Variants in NAV3 observed in about 807,000 individuals in gnomAD.
NAV3 encodes the protein neuron navigator 3, also known as pore membrane and/or filament interacting like protein 1.
In NAV3, 87 loss-of-function variants were observed where a neutral mutation model predicts 244.7. The ratio of observed to expected loss-of-function variants is 0.36; its 90% CI spans 0.30 to 0.42. NAV3 has a LOEUF of 0.42. Among genes scored for constraint, NAV3 ranks in the 20% least tolerant of loss-of-function variants. The pLI is 1.00. For synonymous variants in NAV3, 1,126 were observed against 1,042.2 expected (o/e 1.08, Z -1.55); for missense variants, 2,663 against 2,893.3 (o/e 0.92, Z 1.83).
At chr12:77,667,133 C>T (rs956407958) in intron 2 of NAV3, among the ~76,000 whole-genome samples, 11 of 152,218 alleles carry the variant, frequency 7.2e-5, no homozygotes, top group South Asian at 6.2e-4. Context: ...ATTAAGATGG[C>T]GAGTAGGAGG....
intron 2 of NAV3, among the ~76,000 whole-genome samples, chr12:77,656,976 T>G (rs1182993240): frequency 1.1e-4 from 16 of 152,124 alleles, no homozygotes; most frequent in Non-Finnish European, 2.2e-4. Flanking sequence ...GAGGGAAATT[T>G]ATAGCACTAA....
At chr12:77,584,194 T>C (rs1226063867) in intron 2 of NAV3, among the ~76,000 whole-genome samples, 1 of 152,222 alleles carries the variant, frequency 6.6e-6, no homozygotes, top group Non-Finnish European at 1.5e-5. Context: ...TCAGGGACAT[T>C]GCTTGTCTCA....
chr12:77,803,358 A>G (rs956935915), intron 2 of NAV3, among the ~76,000 whole-genome samples: 1 of 152,134 alleles, frequency 6.6e-6, no homozygotes, highest in Non-Finnish European at 1.5e-5. Flanking sequence ...ACTCCCATGT[A>G]TGAGTGAGAA....
chr12:77,662,605 G>C (rs1420146777), intron 2 of NAV3, among the ~76,000 whole-genome samples: 3 of 152,040 alleles, frequency 2.0e-5, no homozygotes, highest in Non-Finnish European at 4.4e-5. Flanking sequence ...TGTTGGGTGA[G>C]AGAATGGATT....
At chr12:78,076,557 A>G (rs572735545) in intron 12 of NAV3, among the ~76,000 whole-genome samples, 1 of 152,190 alleles carries the variant, frequency 6.6e-6, no homozygotes, top group East Asian at 1.9e-4. Flanking sequence ...TATTATTTCG[A>G]AAGTATTTAT....
chr12:77,679,794 G>A (rs1362502823), intron 2 of NAV3, among the ~76,000 whole-genome samples: 1 of 152,164 alleles, frequency 6.6e-6, no homozygotes, highest in African/African-American at 2.4e-5. Context: ...GATCAACAGT[G>A]TCAAGTGACC....
At chr12:78,066,518 A>T (rs1035449093) in intron 12 of NAV3, among the ~76,000 whole-genome samples, 1 of 152,146 alleles carries the variant, frequency 6.6e-6, no homozygotes, top group African/African-American at 2.4e-5. Context: ...ACCATATATT[A>T]TATTGAATAT....
chr12:78,095,047 A>T (rs575673859), intron 12 of NAV3, among the ~76,000 whole-genome samples: 20 of 106,622 alleles, frequency 1.9e-4, no homozygotes, highest in East Asian at 8.3e-4. Context: ...ATATCAAATT[A>T]TATATATATA....
intron 2 of NAV3, among the ~76,000 whole-genome samples, chr12:77,720,514 G>C (rs1015805633): frequency 1.3e-5 from 2 of 152,070 alleles, no homozygotes; most frequent in African/African-American, 4.8e-5. Flanking sequence ...GCCATATGCT[G>C]CTCAGCTCTC....
intron 12 of NAV3, among the ~76,000 whole-genome samples, chr12:78,085,976 G>C (rs1201956508): frequency 6.6e-6 from 1 of 152,060 alleles, no homozygotes; most frequent in African/African-American, 2.4e-5. Flanking sequence ...GAAATTAAAA[G>C]TACAAGCTCA....
At chr12:77,769,323 A>G (rs1053897015) in intron 2 of NAV3, among the ~76,000 whole-genome samples, 2 of 152,242 alleles carry the variant, frequency 1.3e-5, no homozygotes, top group Non-Finnish European at 2.9e-5. Context: ...TATAATTTCT[A>G]GTATAACCTT....
chr12:78,141,304 C>T (rs897623799), intron 20 of NAV3, among the ~76,000 whole-genome samples: 1 of 152,134 alleles, frequency 6.6e-6, no homozygotes, highest in Admixed American at 6.5e-5. Flanking sequence ...AAATACAATT[C>T]TATCTTTTTT....
At chr12:77,903,638 A>C (rs1001063852) in intron 1 of NAV3, among the ~76,000 whole-genome samples, 1 of 152,366 alleles carries the variant, frequency 6.6e-6, no homozygotes, top group Admixed American at 6.5e-5. Flanking sequence ...GCCAAAATTG[A>C]CAAATGGGAC....
intron 2 of NAV3, among the ~76,000 whole-genome samples, chr12:77,681,114 T>G (rs1001847652): frequency 2.0e-5 from 3 of 152,176 alleles, no homozygotes; most frequent in Non-Finnish European, 4.4e-5. Context: ...GAAGATAGCT[T>G]GATCACTTCT....
intron 5 of NAV3, among the ~76,000 whole-genome samples, chr12:77,969,412 T>C (rs1024414530): frequency 5.3e-5 from 8 of 152,116 alleles, no homozygotes; most frequent in African/African-American, 1.9e-4. Flanking sequence ...TTTAGCATGA[T>C]TGAGCATACT....
chr12:77,861,704 TAG>T (rs1254416367), intron 1 of NAV3, among the ~76,000 whole-genome samples: 1 of 151,656 alleles, frequency 6.6e-6, no homozygotes, highest in African/African-American at 2.4e-5. Context: ...GGGAAGGGGG[TAG>T]ATTATTGAAA....
chr12:78,064,992 T>C (rs1884840786), intron 12 of NAV3, among the ~76,000 whole-genome samples: 1 of 152,050 alleles, frequency 6.6e-6, no homozygotes, highest in Non-Finnish European at 1.5e-5. Flanking sequence ...AACAGATACG[T>C]AAGATCAATA....
At position 77,752,821 on chromosome 12, in the gene NAV3, A is replaced by T. The variant is rs1291114437; in HGVS notation, c.72+180555A>T. On this transcript the variant is annotated intron_variant, in intron 2 of 8. Transcript: ENST00000550042. ...CTCCTCATCTCTCAAAATTGAATGC[A>T]CAAAAAATACAACTACGTGACAATA... 2.0e-5 allele frequency among the ~76,000 whole-genome samples: 3 copies of T among 152,198 alleles called. No individual in the cohort carries two copies. In the East Asian group the frequency reaches 5.8e-4, roughly 29 times the overall value.
At chr12:77,850,524 C>T (rs1270777228) in intron 1 of NAV3, among the ~76,000 whole-genome samples, 3 of 152,148 alleles carry the variant, frequency 2.0e-5, no homozygotes, top group Non-Finnish European at 4.4e-5. Flanking sequence ...ATCTCCTTTC[C>T]TGCTGCTGGT....
Sources: allele counts gnomAD v4.1 joint callset (sites outside exome capture counted in the v4.1 genomes callset), GRCh38; gene constraint gnomAD v4.1.1; transcripts MANE v1.5; gene names NCBI Gene and HGNC (gene_info 2026-07-23, HGNC 2026-07-21).